Variants in C2orf76 observed in about 807,000 individuals in gnomAD.
The protein encoded by C2orf76 is chromosome 2 open reading frame 76, also known as UPF0538 protein C2orf76.
A neutral mutation model predicts 16.9 loss-of-function variants in C2orf76; 23 were observed. The observed-to-expected ratio is 1.36, with a 90% confidence interval of 0.98 to 1.93. C2orf76 has a LOEUF of 1.93. Ranked by LOEUF, C2orf76 falls within the 30% of genes most tolerant of loss-of-function variation. The pLI is 0.00. For synonymous variants in C2orf76, 48 were observed against 52.3 expected (o/e 0.92, Z 0.35); for missense variants, 152 against 152.6 (o/e 1.00, Z 0.02).
chr2:119,306,876 T>C (rs1395841203), intron 5 of C2orf76, among the ~76,000 whole-genome samples: 1 of 152,148 alleles, frequency 6.6e-6, no homozygotes, highest in Admixed American at 6.5e-5. Flanking sequence ...AATTTCTCCC[T>C]GAGAAAAGAA....
chr2:119,288,940 C>T, the C2orf76 span, among the ~76,000 whole-genome samples: 2 of 152,060 alleles, frequency 1.3e-5, no homozygotes, highest in South Asian at 2.1e-4. Flanking sequence ...AGCCTTCTAG[C>T]AAAATTTCCC....
At chr2:119,294,046 G>A in the C2orf76 span, among the ~76,000 whole-genome samples, 1 of 152,152 alleles carries the variant, frequency 6.6e-6, no homozygotes, top group Non-Finnish European at 1.5e-5. Context: ...TTAAAGCTGG[G>A]AGCACGCATG....
At chr2:119,341,312 C>G (rs966289238) in intron 1 of C2orf76, among the ~76,000 whole-genome samples, 2 of 152,128 alleles carry the variant, frequency 1.3e-5, no homozygotes, top group South Asian at 4.1e-4. Context: ...CCCAGCAACA[C>G]TTTCTGTTAT....
chr2:119,345,926 T>A (rs1374224699), intron 1 of C2orf76, among the ~76,000 whole-genome samples: 1 of 151,708 alleles, frequency 6.6e-6, no homozygotes, highest in Non-Finnish European at 1.5e-5. Context: ...CCGGGCATGG[T>A]GGCGGGCGCC....
intron 1 of C2orf76, among the ~76,000 whole-genome samples, chr2:119,349,034 A>G (rs1272194620): frequency 6.6e-6 from 1 of 152,232 alleles, no homozygotes; most frequent in Non-Finnish European, 1.5e-5. Context: ...TGTGTACAGT[A>G]TCACTGCATG....
chr2:119,350,847 A>C (rs959829096), intron 1 of C2orf76, among the ~76,000 whole-genome samples: 26 of 152,338 alleles, frequency 1.7e-4, no homozygotes, highest in Admixed American at 1.6e-3. Context: ...GCAGAGTTAT[A>C]AACCAGCAGG....
chr2:119,363,892 C>A (rs182435754), intron 1 of C2orf76, among the ~76,000 whole-genome samples: 2 of 152,030 alleles, frequency 1.3e-5, no homozygotes, highest in Admixed American at 1.3e-4. Context: ...GTGGCACACA[C>A]CTGTAGTCCC....
intron 1 of C2orf76, among the ~76,000 whole-genome samples, chr2:119,348,686 TA>T (rs76417247): frequency 2.3e-4 from 31 of 136,732 alleles, no homozygotes; most frequent in Admixed American, 2.2e-4. Flanking sequence ...AACTCTGTCT[TA>T]AAAAAAAAAA....
intron 2 of C2orf76, among the ~76,000 whole-genome samples, chr2:119,337,806 A>G (rs143037377): frequency 6.6e-6 from 1 of 152,244 alleles, no homozygotes; most frequent in African/African-American, 2.4e-5. Flanking sequence ...GGGTCTGAGC[A>G]TCTCACTGTG....
At chr2:119,366,896 A>G (rs912576606), upstream of C2orf76, 5 of 965,980 alleles carry the variant, frequency 5.2e-6, no homozygotes, top group East Asian at 2.6e-5. Context: ...CCCCTAGCGC[A>G]TAGCTGGCTT....
chr2:119,324,270 C>T (rs891930147), intron 2 of C2orf76, among the ~76,000 whole-genome samples: 51 of 152,178 alleles, frequency 3.4e-4, no homozygotes, highest in African/African-American at 1.1e-3. Flanking sequence ...CAGGACACAG[C>T]GAGCACCTAT....
At chr2:119,316,330 T>C (rs1294014181) in intron 4 of C2orf76, among the ~76,000 whole-genome samples, 5 of 152,198 alleles carry the variant, frequency 3.3e-5, no homozygotes, top group Non-Finnish European at 7.3e-5. Flanking sequence ...ACAATGGATA[T>C]TGTAAAACTG....
At chr2:119,342,257 C>G (rs1680055375) in intron 1 of C2orf76, among the ~76,000 whole-genome samples, 1 of 152,142 alleles carries the variant, frequency 6.6e-6, no homozygotes, top group South Asian at 2.1e-4. Context: ...GCAGAAGAAT[C>G]AGAGCATCCT....
chr2:119,294,208 G>A, the C2orf76 span, among the ~76,000 whole-genome samples: 3 of 152,170 alleles, frequency 2.0e-5, no homozygotes, highest in East Asian at 5.8e-4. Context: ...TTGGCAAGAA[G>A]GGTGTCAGTT....
chr2:119,356,461 C>T (rs1040314347), intron 1 of C2orf76, among the ~76,000 whole-genome samples: 4 of 149,106 alleles, frequency 2.7e-5, no homozygotes, highest in Non-Finnish European at 4.4e-5. Context: ...ACAGTTAAAG[C>T]ACTGTGAAGA....
downstream of C2orf76, among the ~76,000 whole-genome samples, chr2:119,300,516 C>A (rs77203831): frequency 0.013 from 1,941 of 152,242 alleles, 49 homozygotes; most frequent in African/African-American, 0.044. Context: ...ACCTTTCTGG[C>A]CTTATCTTCC....
At chr2:119,327,336 ATTTTTTTTTTTTT>A (rs34185420) in intron 2 of C2orf76, among the ~76,000 whole-genome samples, 2 of 68,694 alleles carry the variant, frequency 2.9e-5, no homozygotes, top group East Asian at 1.0e-3. Flanking sequence ...AATTACATGG[ATTTTTTTTTTTTT>A]TTTTTTTTTT....
chr2:119,317,334 G>A, intron 4 of C2orf76, 132 bp downstream of exon 4: 1 of 543,906 alleles, frequency 1.8e-6, no homozygotes, highest in Non-Finnish European at 3.0e-6. Flanking sequence ...CAGTAAAAAG[G>A]GTACCTACAA....
downstream of C2orf76, among the ~76,000 whole-genome samples, chr2:119,297,906 G>C (rs1678564373): frequency 6.6e-6 from 1 of 152,102 alleles, no homozygotes; most frequent in East Asian, 1.9e-4. Context: ...ATGTCAAAAT[G>C]TTCATGGCAA....
Sources: allele counts gnomAD v4.1 joint callset (sites outside exome capture counted in the v4.1 genomes callset), GRCh38; gene constraint gnomAD v4.1.1; transcripts MANE v1.5; gene names NCBI Gene and HGNC (gene_info 2026-07-23, HGNC 2026-07-21).